MAGI3: variants seen among roughly 807,000 people sequenced by gnomAD.
The protein encoded by MAGI3 is membrane-associated guanylate kinase, WW and PDZ domain-containing protein 3.
A neutral mutation model predicts 121.8 loss-of-function variants in MAGI3; 43 were observed. That is an observed-to-expected ratio of 0.35 (90% CI 0.28 to 0.46). MAGI3 has a LOEUF of 0.46. Ranked by LOEUF, MAGI3 falls within the 20% of genes least tolerant of loss-of-function variation. The pLI is 1.00. For synonymous variants in MAGI3, 553 were observed against 639.3 expected, an observed-to-expected ratio of 0.86 and a Z score of 2.04; for missense variants, 1,547 against 1,797.3, an observed-to-expected ratio of 0.86 and a Z score of 2.52.
At chr1:113,590,865 G>A (rs1375226335) in intron 5 of MAGI3, among the ~76,000 whole-genome samples, 1 of 152,010 alleles carries the variant, frequency 6.6e-6, no homozygotes, top group African/African-American at 2.4e-5. Context: ...TAAAGGAATA[G>A]TGTATTTGAC....
chr1:113,468,132 T>C (rs1655375027), intron 1 of MAGI3, among the ~76,000 whole-genome samples: 2 of 152,184 alleles, frequency 1.3e-5, no homozygotes, highest in African/African-American at 4.8e-5. Flanking sequence ...AAGTTTCTTA[T>C]AGGTGGCATA....
At chr1:113,487,402 T>A (rs899365926) in intron 1 of MAGI3, among the ~76,000 whole-genome samples, 1 of 152,224 alleles carries the variant, frequency 6.6e-6, no homozygotes, top group Non-Finnish European at 1.5e-5. Context: ...TTAACTGGAA[T>A]TAATTGTATT....
intron 1 of MAGI3, among the ~76,000 whole-genome samples, chr1:113,473,625 C>T (rs1655656869): frequency 3.3e-5 from 5 of 152,104 alleles, no homozygotes; most frequent in Admixed American, 2.6e-4. Context: ...CATGGTATTC[C>T]ATGGTGTATA....
chr1:113,594,406 C>T, intron 5 of MAGI3, 75 bp from the exon 6 acceptor site: 3 of 1,214,648 alleles, frequency 2.5e-6, no homozygotes, highest in Non-Finnish European at 3.6e-6. Flanking sequence ...CTTTTAGTCA[C>T]TTTTAATCTT....
At chr1:113,637,798 T>A (rs1377364993) in intron 9 of MAGI3, among the ~76,000 whole-genome samples, 1 of 152,260 alleles carries the variant, frequency 6.6e-6, no homozygotes, top group Non-Finnish European at 1.5e-5. Flanking sequence ...TTGGGGAAGT[T>A]CTGCTGGATA....
chr1:113,565,647 C>A (rs1660408352), intron 2 of MAGI3, among the ~76,000 whole-genome samples: 1 of 152,154 alleles, frequency 6.6e-6, no homozygotes, highest in Non-Finnish European at 1.5e-5. Flanking sequence ...GTTGAAACTG[C>A]CAATTTAAGG....
intron 11 of MAGI3, among the ~76,000 whole-genome samples, chr1:113,645,578 G>A (rs923964475): frequency 6.6e-6 from 1 of 152,140 alleles, no homozygotes; most frequent in Non-Finnish European, 1.5e-5. Context: ...GATGTATGGG[G>A]AAGGGTAGGA....
At chr1:113,494,922 T>G (rs1425183101) in intron 1 of MAGI3, among the ~76,000 whole-genome samples, 1 of 152,192 alleles carries the variant, frequency 6.6e-6, no homozygotes, top group Non-Finnish European at 1.5e-5. Flanking sequence ...GAACGACCAA[T>G]TCCAGATCTA....
intron 1 of MAGI3, among the ~76,000 whole-genome samples, chr1:113,460,659 A>G (rs1160717976): frequency 6.6e-6 from 1 of 152,116 alleles, no homozygotes; most frequent in Non-Finnish European, 1.5e-5. Flanking sequence ...AATACAAAAA[A>G]TTAGCCGGGC....
At position 113,560,164 on chromosome 1, in the gene MAGI3, A is replaced by G. The variant is rs573624205; in HGVS notation, c.433+10533A>G. Among the ~76,000 whole-genome samples, 9 of 152,342 alleles carry G rather than the reference A, an allele frequency of 5.9e-5. No individual in the cohort carries two copies. The South Asian group carries it at 1.7e-3, about 28-fold the overall frequency. On this transcript the variant is annotated intron_variant, in intron 2 of 20. Coordinates refer to ENST00000307546, the MANE Select transcript of MAGI3 (RefSeq NM_001142782.2). ...CAGCAAATGCAAAAGAACTGAAATC[A>G]TAACAATCTCTCAGACCACAGTGCA...
intron 1 of MAGI3, among the ~76,000 whole-genome samples, chr1:113,421,947 C>T (rs1053206228): frequency 1.3e-5 from 2 of 151,818 alleles, no homozygotes; most frequent in African/African-American, 4.8e-5. Flanking sequence ...GGATGCTGGA[C>T]TGAGTGCTTT....
chr1:113,608,691 A>T (rs772204964), intron 6 of MAGI3, among the ~76,000 whole-genome samples: 1 of 152,174 alleles, frequency 6.6e-6, no homozygotes, highest in East Asian at 1.9e-4. Flanking sequence ...CAGTCAGATA[A>T]GACATTCTTT....
chr1:113,666,082 T>C (rs1281166700), intron 16 of MAGI3, among the ~76,000 whole-genome samples: 4 of 152,204 alleles, frequency 2.6e-5, no homozygotes, highest in Admixed American at 2.6e-4. Context: ...CTAATGATCA[T>C]CTGGGCCTTT....
chr1:113,590,172 A>G (rs1311271104), intron 4 of MAGI3, among the ~76,000 whole-genome samples: 1 of 152,134 alleles, frequency 6.6e-6, no homozygotes, highest in Non-Finnish European at 1.5e-5. Flanking sequence ...AGCCTGACAC[A>G]TAAAAGGACT....
chr1:113,554,283 A>ATG (rs539910651), intron 2 of MAGI3, among the ~76,000 whole-genome samples: 7,232 of 131,906 alleles, frequency 0.055, 226 homozygotes, highest in Admixed American at 0.1. Flanking sequence ...AAATATTCAT[A>ATG]TGTGTGTGTG....
intron 4 of MAGI3, among the ~76,000 whole-genome samples, chr1:113,587,313 A>G (rs1007308330): frequency 7.9e-5 from 12 of 152,194 alleles, no homozygotes; most frequent in Admixed American, 7.9e-4. Flanking sequence ...CTCATGTCTC[A>G]GCCTCCTAAG....
chr1:113,583,131 T>A (rs1648136292), intron 3 of MAGI3, among the ~76,000 whole-genome samples: 2 of 151,178 alleles, frequency 1.3e-5, no homozygotes, highest in South Asian at 4.1e-4. Flanking sequence ...ATCTAATTTA[T>A]TTTATTTATT....
At chr1:113,657,591 A>G (rs1356927693) in intron 15 of MAGI3, among the ~76,000 whole-genome samples, 1 of 152,236 alleles carries the variant, frequency 6.6e-6, no homozygotes, top group African/African-American at 2.4e-5. Flanking sequence ...ATCTAGAAAG[A>G]ACACTATGTT....
intron 2 of MAGI3, among the ~76,000 whole-genome samples, chr1:113,574,747 C>T (rs922430904): frequency 8.6e-5 from 13 of 152,040 alleles, no homozygotes; most frequent in African/African-American, 2.7e-4. Flanking sequence ...TGCTAGGTTG[C>T]GGAGGTTCTC....
Sources: gnomAD v4.1 joint callset for allele counts (sites outside exome capture counted in the v4.1 genomes callset) on GRCh38, gnomAD v4.1.1 for gene constraint, MANE v1.5 for transcripts, NCBI Gene and HGNC (gene_info 2026-07-23, HGNC 2026-07-21) for gene names.